Variants in XPR1 observed in about 807,000 individuals in gnomAD.
The protein encoded by XPR1 is solute carrier family 53 member 1.
XPR1 carries 28 observed loss-of-function variants against 87.5 expected under a neutral mutation model. The ratio of observed to expected loss-of-function variants is 0.32; its 90% CI spans 0.24 to 0.44. The LOEUF is 0.44. Ranked by LOEUF, XPR1 falls within the 20% of genes least tolerant of loss-of-function variation. The pLI is 1.00. For missense variants in XPR1, 559 were observed against 862.3 expected, an observed-to-expected ratio of 0.65 and a Z score of 4.41; for synonymous variants, 300 against 306.1, an observed-to-expected ratio of 0.98 and a Z score of 0.21.
rs138513721 is a variant in XPR1, at chr1:180,786,454, A to G, written c.122-1299A>G. ...TTTCTACACTTTTCAATCTTAGAGT[A>G]CCTTAGAGATCCAGGAATAGGATAG... On this transcript the variant is annotated intron_variant, in intron 2 of 14. Transcript: ENST00000367590. 1.7e-3 allele frequency among the ~76,000 whole-genome samples: 259 copies of G among 152,290 alleles called. 2 individuals are homozygous for G. Among genetic ancestry groups the G allele is most frequent in the Admixed American group, 0.015 (232 of 15,292 alleles).
At chr1:180,633,562 G>A (rs1654664716) in intron 1 of XPR1, among the ~76,000 whole-genome samples, 1 of 152,192 alleles carries the variant, frequency 6.6e-6, no homozygotes. Flanking sequence ...ACGGAATCTT[G>A]AATATTGTGA....
intron 14 of XPR1, 135 bp downstream of exon 14, chr1:180,880,432 A>G (rs1652815244): frequency 1.1e-6 from 1 of 885,354 alleles, no homozygotes; most frequent in South Asian, 1.7e-5. Flanking sequence ...ACAAAAAAAC[A>G]GTAATAAGCA....
At chr1:180,816,989 GAGA>G (rs1408301197) in intron 7 of XPR1, among the ~76,000 whole-genome samples, 3 of 152,150 alleles carry the variant, frequency 2.0e-5, no homozygotes, top group East Asian at 1.9e-4. Context: ...CTTCCAGTGG[GAGA>G]AGATGTGGAG....
chr1:180,884,111 A>G lies in XPR1; in HGVS notation c.*45A>G, dbSNP rs1652931018. On this transcript the variant is annotated 3_prime_UTR_variant, in exon 15 of 15. Coordinates refer to ENST00000367590, the MANE Select transcript of XPR1 (RefSeq NM_004736.4). ...AACATCTTTGGTTTTCCTACTCTACAATCCTTTCCTCGACCAACGCAACCT... is the reference window on the plus strand; with the variant it reads ...AACATCTTTGGTTTTCCTACTCTACGATCCTTTCCTCGACCAACGCAACCT... 1.3e-6 allele frequency: 2 copies of G among 1,593,008 alleles called. No individual in the cohort carries two copies. Among genetic ancestry groups the G allele is most frequent in the South Asian group, 2.2e-5 (2 of 89,954 alleles).
At chr1:180,729,370 G>A (rs369801235) in intron 2 of XPR1, among the ~76,000 whole-genome samples, 3 of 152,192 alleles carry the variant, frequency 2.0e-5, no homozygotes, top group African/African-American at 4.8e-5. Flanking sequence ...TAGTGAGAAT[G>A]ATAGTTCTGT....
intron 13 of XPR1, among the ~76,000 whole-genome samples, chr1:180,874,293 G>A (rs952072803): frequency 6.6e-6 from 1 of 152,166 alleles, no homozygotes; most frequent in Admixed American, 6.5e-5. Context: ...AAATTGGGAG[G>A]TAAAATGGCT....
At chr1:180,678,405 T>G (rs571174162) in intron 1 of XPR1, among the ~76,000 whole-genome samples, 2 of 152,336 alleles carry the variant, frequency 1.3e-5, no homozygotes, top group African/African-American at 4.8e-5. Context: ...CATTGAGCTA[T>G]CTCATTAGTA....
intron 11 of XPR1, among the ~76,000 whole-genome samples, chr1:180,863,065 C>A (rs577690755): frequency 6.6e-6 from 1 of 152,166 alleles, no homozygotes; most frequent in South Asian, 2.1e-4. Context: ...GTGTTCCCAG[C>A]AAATTAGGCC....
rs572741291 is a variant in XPR1, at chr1:180,795,148, C to A, written c.223+7294C>A. Among the ~76,000 whole-genome samples the A allele has an allele frequency of 7.2e-5, 11 of 152,184 alleles. 1 individual carries two copies. In the East Asian group the frequency reaches 1.9e-3, roughly 27 times the overall value. On this transcript the variant is annotated intron_variant, in intron 3 of 14. Transcript: ENST00000367590. ...CAGGTAAACAAATAATAAAAATATT[C>A]TAAGACACTAATTTGATTTTAGAAA...
chr1:180,862,091 G>A (rs1302744922), intron 11 of XPR1, among the ~76,000 whole-genome samples: 2 of 152,056 alleles, frequency 1.3e-5, no homozygotes, highest in African/African-American at 4.8e-5. Flanking sequence ...TTGACAACCA[G>A]CTTCCAGAGT....
At chr1:180,707,441 A>G (rs1259765479) in intron 2 of XPR1, among the ~76,000 whole-genome samples, 1 of 152,200 alleles carries the variant, frequency 6.6e-6, no homozygotes, top group Non-Finnish European at 1.5e-5. Context: ...AAATAGAATG[A>G]AGTGCAGTGG....
chr1:180,813,555 C>T (rs1016948183), intron 7 of XPR1, among the ~76,000 whole-genome samples: 3 of 152,112 alleles, frequency 2.0e-5, no homozygotes, highest in Admixed American at 6.5e-5. Flanking sequence ...ATCTCTAGCA[C>T]GTAGAACACT....
At chr1:180,678,947 G>A (rs974782810) in intron 1 of XPR1, among the ~76,000 whole-genome samples, 5 of 151,856 alleles carry the variant, frequency 3.3e-5, no homozygotes, top group African/African-American at 4.8e-5. Flanking sequence ...TGTAATCCCA[G>A]CACTTTAGGA....
intron 11 of XPR1, among the ~76,000 whole-genome samples, chr1:180,841,636 A>G (rs1307969218): frequency 1.3e-5 from 2 of 152,202 alleles, no homozygotes; most frequent in African/African-American, 4.8e-5. Flanking sequence ...TGCACAGGGC[A>G]AGTATCGATT....
chr1:180,711,680 A>G (rs138928301), intron 2 of XPR1, among the ~76,000 whole-genome samples: 197 of 152,292 alleles, frequency 1.3e-3, no homozygotes, highest in African/African-American at 4.4e-3. Context: ...TAGATTTTGC[A>G]AAGATTTTTC....
chr1:180,667,136 A>T (rs1182182710), intron 1 of XPR1, among the ~76,000 whole-genome samples: 1 of 152,204 alleles, frequency 6.6e-6, no homozygotes, highest in Admixed American at 6.5e-5. Context: ...CCTGGTCTCA[A>T]ACTCCTGAAC....
chr1:180,704,811 G>GTTTTTTTTTTTTTTTTTTTTTTTT (rs1182063865), intron 2 of XPR1, among the ~76,000 whole-genome samples: 1 of 63,602 alleles, frequency 1.6e-5, no homozygotes, highest in African/African-American at 4.9e-5. Flanking sequence ...GGGACTGTTG[G>GTTTTTTTTTTTTTTTTTTTTTTTT]TTGTTTTTTT....
At chr1:180,665,837 A>T (rs904279713) in intron 1 of XPR1, among the ~76,000 whole-genome samples, 1 of 152,174 alleles carries the variant, frequency 6.6e-6, no homozygotes. Flanking sequence ...GTGTTTACTC[A>T]ACTGATTTCT....
chr1:180,659,380 C>T (rs1388434801), intron 1 of XPR1, among the ~76,000 whole-genome samples: 2 of 112,364 alleles, frequency 1.8e-5, no homozygotes, highest in African/African-American at 4.1e-5. Flanking sequence ...TCCGTCCTTC[C>T]GTCCTTCCTT....
Sources: gnomAD v4.1 joint callset for allele counts (sites outside exome capture counted in the v4.1 genomes callset) on GRCh38, gnomAD v4.1.1 for gene constraint, MANE v1.5 for transcripts, NCBI Gene and HGNC (gene_info 2026-07-23, HGNC 2026-07-21) for gene names.